Variants in ALDH3B2 observed in about 807,000 individuals in gnomAD.
ALDH3B2 encodes the protein aldehyde dehydrogenase 3 family member B2.
In ALDH3B2, 45 loss-of-function variants were observed where a neutral mutation model predicts 36.7. The ratio of observed to expected loss-of-function variants is 1.23; its 90% CI spans 0.97 to 1.57. The LOEUF (loss-of-function observed/expected upper bound fraction) is 1.57. Among genes scored for constraint, ALDH3B2 ranks in the 40% most tolerant of loss-of-function variants. The pLI, the probability that ALDH3B2 is intolerant of heterozygous loss-of-function variation, is 0.00. For missense variants in ALDH3B2, 464 were observed against 513.3 expected, an observed-to-expected ratio of 0.90 and a Z score of 0.93; for synonymous variants, 217 against 226.5, an observed-to-expected ratio of 0.96 and a Z score of 0.38.
intron 7 of ALDH3B2, 55 bp from the exon 8 acceptor site, chr11:67,664,617 G>C: frequency 1.9e-6 from 3 of 1,598,070 alleles, no homozygotes; most frequent in Non-Finnish European, 2.6e-6. Flanking sequence ...CTGCCCCCAG[G>C]GGTAGGGTAG....
intron 1 of ALDH3B2, among the ~76,000 whole-genome samples, chr11:67,669,001 G>A (rs965178185): frequency 1.0e-4 from 15 of 150,692 alleles, no homozygotes; most frequent in Non-Finnish European, 2.2e-4. Context: ...GTCTGTGTGT[G>A]TATGTGTATA....
intron 1 of ALDH3B2, among the ~76,000 whole-genome samples, chr11:67,674,081 C>T (rs974714961): frequency 2.6e-5 from 4 of 152,196 alleles, no homozygotes; most frequent in Admixed American, 6.5e-5. Flanking sequence ...TGCCCCCGAC[C>T]CAATCCTTGT....
In ALDH3B2 at chr11:67,664,738, C is replaced by G. The variant is rs545982550; in HGVS notation, c.707-176G>C. 3.9e-5 allele frequency among the ~76,000 whole-genome samples: 6 copies of G among 152,280 alleles called. No homozygotes were observed. In the East Asian group the frequency reaches 5.8e-4, roughly 15 times the overall value. On this transcript the variant is annotated intron_variant, in intron 7 of 9. Coordinates refer to ENST00000349015, the Ensembl canonical transcript of ALDH3B2. Reference sequence around the variant, plus strand: ...GGAAGAAAGTTTCCCCACAGCCCCCCAGAAGGGACCCTAGGGCTTCCCCAG... The same window carrying G: ...GGAAGAAAGTTTCCCCACAGCCCCCGAGAAGGGACCCTAGGGCTTCCCCAG...
exon 10 of ALDH3B2, chr11:67,662,541 T>G (rs957100398): frequency 6.5e-6 from 1 of 152,950 alleles, no homozygotes; most frequent in South Asian, 2.1e-4. Flanking sequence ...GAGTTTGGCA[T>G]AAGTGACTCC....
Position 67,666,626 on chromosome 11 carries a change from C to G in ALDH3B2, c.99G>C (p.Trp33Cys), listed in dbSNP as rs1221342685. 4 of 1,614,094 alleles carry G rather than the reference C, an allele frequency of 2.5e-6. No individual in the cohort carries two copies. The highest frequency in any genetic ancestry group is 2.2e-5 in the South Asian group (2 of 91,078). ...CCAGGGTCAGGTTCAGTGGGTAGTT[C>G]CAGGGTGCGATGATGAGGACCAGGC... Residue 33 changes from tryptophan to cysteine, a missense_variant, in exon 4 of 10, where the codon TGG becomes TGC. Physicochemically the swap from Trp to Cys is radical, Grantham distance 215. Coordinates refer to ENST00000349015, the Ensembl canonical transcript of ALDH3B2.
At chr11:67,675,976 T>G (rs1856261647), upstream of ALDH3B2, among the ~76,000 whole-genome samples, 1 of 152,252 alleles carries the variant, frequency 6.6e-6, no homozygotes, top group South Asian at 2.1e-4. Context: ...TCGGGTGCGG[T>G]GGCTCATGCC....
chr11:67,679,717 A>C (rs927513108), upstream of ALDH3B2, among the ~76,000 whole-genome samples: 3 of 151,866 alleles, frequency 2.0e-5, no homozygotes, highest in Non-Finnish European at 4.4e-5. Flanking sequence ...AAAAGTAAGA[A>C]CCTTTAAGTT....
intron 8 of ALDH3B2, among the ~76,000 whole-genome samples, chr11:67,664,068 C>T (rs944837312): frequency 3.9e-5 from 6 of 152,172 alleles, no homozygotes; most frequent in African/African-American, 9.6e-5. Context: ...CACCGCGACC[C>T]GCTGGGCTCT....
exon 6 of ALDH3B2, chr11:67,666,180 G>A (rs772006973): frequency 9.9e-6 from 16 of 1,614,046 alleles, no homozygotes; most frequent in African/African-American, 5.3e-5. Flanking sequence ...CCTGGGGTCC[G>A]CCCAGCACCA....
intron 6 of ALDH3B2, 85 bp downstream of exon 6, chr11:67,666,037 C>T: frequency 2.0e-6 from 3 of 1,528,888 alleles, no homozygotes; most frequent in East Asian, 2.3e-5. Context: ...ACTGCTGGCC[C>T]CAGCCTCCTC....
chr11:67,666,261 C>T (rs1261152526), intron 5 of ALDH3B2, 55 bp downstream of exon 5: 6 of 1,612,896 alleles, frequency 3.7e-6, no homozygotes, highest in Non-Finnish European at 5.1e-6. Flanking sequence ...CCTCCTCAGC[C>T]CACAGGGGTG....
intron 1 of ALDH3B2, among the ~76,000 whole-genome samples, chr11:67,669,823 TATGG>T (rs1349149884): frequency 1.6e-4 from 20 of 121,578 alleles, no homozygotes; most frequent in African/African-American, 5.8e-4. Flanking sequence ...TCTGTGTGTG[TATGG>T]GTGTCTGTGT....
chr11:67,666,494 C>T (rs1377968808), intron 4 of ALDH3B2, 80 bp downstream of exon 4: 3 of 1,606,202 alleles, frequency 1.9e-6, no homozygotes, highest in Non-Finnish European at 2.6e-6. Flanking sequence ...GCCCAGGGTA[C>T]CTCAGAGCAA....
exon 9 of ALDH3B2, chr11:67,663,730 C>T (rs747773263): frequency 1.2e-5 from 19 of 1,612,850 alleles, no homozygotes; most frequent in Admixed American, 1.7e-5. Context: ...AAAGCTGCCG[C>T]TGCTGGTCCG....
intron 7 of ALDH3B2, 74 bp downstream of exon 7, chr11:67,665,211 G>A (rs1168671977): frequency 2.9e-5 from 44 of 1,525,564 alleles, no homozygotes; most frequent in Middle Eastern, 1.8e-4. Flanking sequence ...GTCCAGACTC[G>A]TGGCCCAGCC....
intron 6 of ALDH3B2, 27 bp downstream of exon 6, chr11:67,666,094 CT>C (rs1565246888): frequency 1.2e-6 from 2 of 1,603,650 alleles, no homozygotes; most frequent in Non-Finnish European, 1.7e-6. Context: ...CCTCCACCTA[CT>C]CTGGGACCCT....
upstream of ALDH3B2, among the ~76,000 whole-genome samples, chr11:67,675,541 C>G (rs1290775508): frequency 6.6e-6 from 1 of 152,214 alleles, no homozygotes; most frequent in African/African-American, 2.4e-5. Flanking sequence ...TGTAGAGAGT[C>G]TCTTGGCAGA....
chr11:67,669,744 G>A (rs1226451632), intron 1 of ALDH3B2, among the ~76,000 whole-genome samples: 2 of 137,574 alleles, frequency 1.5e-5, no homozygotes, highest in Admixed American at 7.1e-5. Flanking sequence ...GTGTATGGGT[G>A]TCTGTGTCCA....
chr11:67,668,906 T>C (rs906474968), intron 1 of ALDH3B2, among the ~76,000 whole-genome samples: 2 of 151,126 alleles, frequency 1.3e-5, no homozygotes, highest in Non-Finnish European at 3.0e-5. Flanking sequence ...GTATGGGTGC[T>C]GTGTGTCTGT....
Sources: gnomAD v4.1 joint callset for allele counts (sites outside exome capture counted in the v4.1 genomes callset) on GRCh38, gnomAD v4.1.1 for gene constraint, MANE v1.5 for transcripts, NCBI Gene and HGNC (gene_info 2026-07-23, HGNC 2026-07-21) for gene names.